The following LRPPRC variants were observed in gnomAD, a reference collection of about 807,000 sequenced individuals.
LRPPRC encodes the protein leucine-rich PPR motif-containing protein, mitochondrial.
LRPPRC carries 120 observed loss-of-function variants against 180.3 expected under a neutral mutation model. That is an observed-to-expected ratio of 0.67 (90% CI 0.57 to 0.77). LRPPRC has a LOEUF of 0.77. Among genes scored for constraint, LRPPRC ranks in the 30% least tolerant of loss-of-function variants. LRPPRC has a pLI of 0.00. For synonymous variants in LRPPRC, 723 were observed against 600.0 expected (o/e 1.21, Z -3.00); for missense variants, 2,012 against 1,657.2 (o/e 1.21, Z -3.72).
At chr2:43,930,526 G>A (rs576420118) in intron 25 of LRPPRC, among the ~76,000 whole-genome samples, 1 of 152,260 alleles carries the variant, frequency 6.6e-6, no homozygotes, top group East Asian at 1.9e-4. Context: ...AATCTTGTAA[G>A]CATTATTTTT....
chr2:43,996,086 G>A, upstream of LRPPRC: 1 of 764,908 alleles, frequency 1.3e-6, no homozygotes. Context: ...GTTTTAGGTT[G>A]GAAGATGGAA....
At chr2:43,966,496 C>T (rs1673565875) in intron 11 of LRPPRC, among the ~76,000 whole-genome samples, 1 of 151,864 alleles carries the variant, frequency 6.6e-6, no homozygotes, top group African/African-American at 2.4e-5. Flanking sequence ...CAGCAACCTC[C>T]ACCTCCTGGG....
chr2:43,991,481 C>G (rs113891286), intron 1 of LRPPRC, among the ~76,000 whole-genome samples: 42 of 152,322 alleles, frequency 2.8e-4, no homozygotes, highest in African/African-American at 8.9e-4. Flanking sequence ...TAGTCTAGAT[C>G]TACTTCCAAA....
At chr2:43,903,724 A>G (rs1670968701) in intron 31 of LRPPRC, 1 of 131,082 alleles carries the variant, frequency 7.6e-6, no homozygotes, top group South Asian at 2.8e-4. Context: ...GGCACCTAAC[A>G]TAAAAATAAA....
intron 13 of LRPPRC, 57 bp downstream of exon 13, chr2:43,960,484 C>T: frequency 2.1e-6 from 2 of 963,730 alleles, no homozygotes; most frequent in Admixed American, 1.7e-5. Context: ...CCTGCATGCC[C>T]TCAATAGTAA....
At chr2:43,953,508 C>T (rs1353948490) in intron 14 of LRPPRC, among the ~76,000 whole-genome samples, 1 of 152,132 alleles carries the variant, frequency 6.6e-6, no homozygotes, top group East Asian at 1.9e-4. Context: ...CTTTGTTAAA[C>T]ATATTTAAAC....
intron 14 of LRPPRC, among the ~76,000 whole-genome samples, chr2:43,956,609 G>C (rs1267242246): frequency 6.6e-6 from 1 of 151,970 alleles, no homozygotes; most frequent in Non-Finnish European, 1.5e-5. Flanking sequence ...TATTACAGAG[G>C]ATGGGCACAG....
chr2:43,886,238 A>G lies in LRPPRC; in HGVS notation c.*2362T>C, dbSNP rs1280134297. The stretch of plus-strand genomic sequence containing the variant: ...AGCAGCCCACAGATATTTACAGTAT[A>G]CTTTATTCAAAGCATTTCAGTTAAA... On this transcript the variant is annotated 3_prime_UTR_variant, in exon 38 of 38. Coordinates refer to ENST00000260665, the MANE Select transcript of LRPPRC (RefSeq NM_133259.4). Among the ~76,000 whole-genome samples, 1 of 152,092 alleles carries G rather than the reference A, an allele frequency of 6.6e-6. No individual in the cohort carries two copies. Among genetic ancestry groups the G allele is most frequent in the Admixed American group, 6.5e-5 (1 of 15,272 alleles).
At chr2:43,919,777 C>T (rs192079886) in intron 27 of LRPPRC, among the ~76,000 whole-genome samples, 1 of 151,848 alleles carries the variant, frequency 6.6e-6, no homozygotes, top group African/African-American at 2.4e-5. Flanking sequence ...ATTAAATGCA[C>T]AGAAAAACTG....
chr2:43,969,774 C>T (rs1299951228), intron 11 of LRPPRC, among the ~76,000 whole-genome samples: 2 of 152,116 alleles, frequency 1.3e-5, no homozygotes, highest in Non-Finnish European at 2.9e-5. Context: ...GGCTCAATTG[C>T]TAAGCTCTAG....
At chr2:43,967,729 C>G (rs962391325) in intron 11 of LRPPRC, among the ~76,000 whole-genome samples, 2 of 152,104 alleles carry the variant, frequency 1.3e-5, no homozygotes, top group Non-Finnish European at 2.9e-5. Flanking sequence ...AATCCCTAAA[C>G]AAAGCATGTG....
rs372982157 is a variant in LRPPRC, at chr2:43,949,586, G to A, written c.1735+16C>T. On this transcript the variant is annotated intron_variant, in intron 16 of 37. Coordinates refer to ENST00000260665, the MANE Select transcript of LRPPRC (RefSeq NM_133259.4). ...GATTTGTGGATAAGTTACAATCATC[G>A]AAATTGAAACGCTACCCGTCGGTCC... The A allele has an allele frequency of 5.2e-5, 84 of 1,607,214 alleles. No individual in the cohort carries two copies. The East Asian group carries it at 1.1e-3, about 20-fold the overall frequency.
chr2:43,976,133 T>A lies in LRPPRC; in HGVS notation c.737+10A>T, dbSNP rs377025489. The A allele has an allele frequency of 1.3e-6, 2 of 1,570,218 alleles. No individual in the cohort carries two copies. Among genetic ancestry groups the A allele is most frequent in the African/African-American group, 2.7e-5 (2 of 74,116 alleles). ...TCACTTAAGAACCAAAACCTTAGGT[T>A]GAACATTACCCAGCTCTGGCATGCC... is the stretch of plus-strand genomic sequence containing the variant. On this transcript the variant is annotated intron_variant, in intron 6 of 37. Transcript: ENST00000260665.
chr2:43,912,468 T>G lies in LRPPRC; in HGVS notation c.3239A>C (p.Glu1080Ala). Residue 1080 changes from glutamate to alanine, a missense_variant, in exon 30 of 38, where the codon GAA (glutamate) becomes GCA (alanine). Transcript: ENST00000260665. ...TTCCATTGCTTGTGTAAAATAATCTTCTGACATCAGTAATTTAATGAGATT... is the reference window on the plus strand; with the variant it reads ...TTCCATTGCTTGTGTAAAATAATCTGCTGACATCAGTAATTTAATGAGATT... Reference protein sequence around the residue: ...YSNLIKLLMSEDYFTQAMEVK... With the variant: ...YSNLIKLLMSADYFTQAMEVK... 6.2e-7 allele frequency: 1 copy of G among 1,606,302 alleles called. No homozygotes were observed. Among genetic ancestry groups the G allele is most frequent in the East Asian group, 2.2e-5 (1 of 44,722 alleles).
chr2:43,977,206 T>C lies in LRPPRC; in HGVS notation c.540A>G (p.Ser180=). The C allele has an allele frequency of 6.2e-7, 1 of 1,606,144 alleles. No individual in the cohort carries two copies. The highest frequency in any genetic ancestry group is 1.1e-5 in the South Asian group (1 of 90,942). The part of the protein sequence containing the change: ...KVYLQNEYKF[S]PTDFLAKMEE... ...CCATTTTTGCCAGGAAATCAGTTGG[T>C]GAGAATTTATATTCATTTTGAAGAT... The change falls in exon 4 of 38, where the codon TCA becomes TCG. Residue 180 remains serine (S), a synonymous_variant. Coordinates refer to ENST00000260665, the MANE Select transcript of LRPPRC (RefSeq NM_133259.4).
At chr2:43,991,503 C>G (rs1398530968) in intron 1 of LRPPRC, among the ~76,000 whole-genome samples, 1 of 152,142 alleles carries the variant, frequency 6.6e-6, no homozygotes, top group Non-Finnish European at 1.5e-5. Context: ...AGATTGAGCT[C>G]AAAGCTTATC....
chr2:43,988,065 C>G (rs980288265), intron 1 of LRPPRC, among the ~76,000 whole-genome samples: 1 of 151,904 alleles, frequency 6.6e-6, no homozygotes, highest in Non-Finnish European at 1.5e-5. Context: ...ACATGTGAAA[C>G]CCCATCTCTA....
chr2:43,898,084 A>AAC (rs1272076336), intron 34 of LRPPRC, among the ~76,000 whole-genome samples: 1 of 151,158 alleles, frequency 6.6e-6, no homozygotes, highest in African/African-American at 2.4e-5. Context: ...AAAAAAAAAA[A>AAC]AAAACAAAGG....
intron 36 of LRPPRC, 43 bp from the exon 37 acceptor site, chr2:43,889,919 C>CCTAT (rs1670426300): frequency 1.4e-6 from 2 of 1,464,480 alleles, no homozygotes; most frequent in Non-Finnish European, 1.9e-6. Flanking sequence ...ATAAAGACAA[C>CCTAT]CTATCTTACT....
Sources: allele counts gnomAD v4.1 joint callset (sites outside exome capture counted in the v4.1 genomes callset), GRCh38; gene constraint gnomAD v4.1.1; transcripts MANE v1.5; gene names NCBI Gene and HGNC (gene_info 2026-07-23, HGNC 2026-07-21).